CHD9: variants seen among roughly 807,000 people sequenced by gnomAD.
CHD9 encodes the protein chromodomain helicase DNA binding protein 9.
Under a neutral mutation model 316.1 loss-of-function variants are expected in CHD9, and 77 were observed. The observed-to-expected ratio is 0.24, with a 90% confidence interval of 0.20 to 0.29. The LOEUF is 0.29. CHD9 is among the 10% of genes least tolerant of loss of function. The pLI, the probability that CHD9 is intolerant of heterozygous loss-of-function variation, is 1.00. For missense variants in CHD9, 2,763 were observed against 3,438.1 expected, an observed-to-expected ratio of 0.80 and a Z score of 4.91; for synonymous variants, 1,129 against 1,158.3, an observed-to-expected ratio of 0.97 and a Z score of 0.51.
At chr16:53,123,172 T>C (rs1421021639) in intron 1 of CHD9, among the ~76,000 whole-genome samples, 1 of 50,316 alleles carries the variant, frequency 2.0e-5, no homozygotes, top group Non-Finnish European at 3.3e-5. Flanking sequence ...CTGGAATCAC[T>C]TTTTTTTTTT....
At chr16:53,285,545 T>G in intron 24 of CHD9, 51 bp from the exon 25 acceptor site, 1 of 1,239,286 alleles carries the variant, frequency 8.1e-7, no homozygotes, top group Admixed American at 2.2e-5. Flanking sequence ...TTTGCCTCCT[T>G]TTTGACTCAT....
chr16:53,303,659 GATTT>G lies in CHD9; in HGVS notation c.5714-54_5714-51del, dbSNP rs1262111716. 11 of 1,179,138 alleles carry G rather than the reference GATTT, an allele frequency of 9.3e-6. No individual in the cohort carries two copies. The African/African-American group carries it at 1.7e-4, about 18-fold the overall frequency. The allele number at this position is 1,179,138 out of a possible 1,614,324, so 73.0% of individuals were successfully genotyped here. On this transcript the variant is annotated intron_variant, in intron 30 of 38. Transcript: ENST00000447540. The stretch of plus-strand genomic sequence containing the variant: ...AAATATATAAAGATGTATTTATAAT[GATTT>G]ATTTATAAATAAAGGATTTTTGAGA...
chr16:53,117,481 C>G (rs1437473000), intron 1 of CHD9, among the ~76,000 whole-genome samples: 2 of 151,964 alleles, frequency 1.3e-5, no homozygotes, highest in Admixed American at 1.3e-4. Context: ...ATGGCATGAT[C>G]TTGGCTCACT....
At chr16:53,220,719 G>A (rs143806616) in intron 3 of CHD9, among the ~76,000 whole-genome samples, 1 of 152,246 alleles carries the variant, frequency 6.6e-6, no homozygotes, top group Admixed American at 6.5e-5. Context: ...CTTAAAATGT[G>A]AACTCTTTGT....
intron 3 of CHD9, among the ~76,000 whole-genome samples, chr16:53,220,186 T>C (rs1039776583): frequency 1.1e-4 from 16 of 152,228 alleles, no homozygotes; most frequent in African/African-American, 3.9e-4. Flanking sequence ...ATCTTTGTGT[T>C]TCTTCTGATT....
At chr16:53,300,873 AG>A (rs1424259821) in intron 30 of CHD9, among the ~76,000 whole-genome samples, 1 of 152,166 alleles carries the variant, frequency 6.6e-6, no homozygotes, top group Non-Finnish European at 1.5e-5. Context: ...TGGTAGGCCA[AG>A]GCAGGTGGGG....
chr16:53,207,339 A>C (rs930355491), intron 2 of CHD9, among the ~76,000 whole-genome samples: 2 of 152,226 alleles, frequency 1.3e-5, no homozygotes, highest in Non-Finnish European at 2.9e-5. Context: ...AAAACTCATC[A>C]GTGCAGTTAA....
chr16:53,203,472 T>C (rs1272393142), intron 2 of CHD9, among the ~76,000 whole-genome samples: 1 of 152,192 alleles, frequency 6.6e-6, no homozygotes, highest in Non-Finnish European at 1.5e-5. Context: ...TCTGTTATTC[T>C]ACATTGTCTC....
chr16:53,089,711 C>T (rs962027247), intron 1 of CHD9, among the ~76,000 whole-genome samples: 2 of 152,194 alleles, frequency 1.3e-5, no homozygotes, highest in African/African-American at 4.8e-5. Context: ...AAGGCCTGCC[C>T]TGGGATTTGG....
At chr16:53,296,824 G>A (rs748481381) in intron 29 of CHD9, 132 bp from the exon 30 acceptor site, 32 of 591,864 alleles carry the variant, frequency 5.4e-5, no homozygotes, top group Non-Finnish European at 8.3e-5. Flanking sequence ...TTACAAGGCA[G>A]CAAGCTTGTA....
intron 2 of CHD9, among the ~76,000 whole-genome samples, chr16:53,206,789 A>G (rs2045929073): frequency 6.6e-6 from 1 of 152,218 alleles, no homozygotes; most frequent in African/African-American, 2.4e-5. Flanking sequence ...TAATGCTACT[A>G]TCAGAGTATT....
intron 28 of CHD9, among the ~76,000 whole-genome samples, chr16:53,292,293 C>T (rs536991201): frequency 3.9e-5 from 6 of 152,308 alleles, no homozygotes; most frequent in African/African-American, 1.2e-4. Flanking sequence ...TGAATGACTA[C>T]AGCTTGATTA....
intron 2 of CHD9, among the ~76,000 whole-genome samples, chr16:53,186,454 C>T (rs2044017157): frequency 6.6e-6 from 1 of 152,152 alleles, no homozygotes; most frequent in Admixed American, 6.5e-5. Flanking sequence ...ATTTTACAGG[C>T]TCATAGGTGG....
At chr16:53,146,390 C>CAA (rs1242411399) in intron 1 of CHD9, among the ~76,000 whole-genome samples, 3 of 52,042 alleles carry the variant, frequency 5.8e-5, no homozygotes, top group South Asian at 5.6e-4. Flanking sequence ...GACTCTGTCT[C>CAA]AAAAAAAAAA....
intron 1 of CHD9, among the ~76,000 whole-genome samples, chr16:53,107,098 A>C (rs1362651345): frequency 6.6e-6 from 1 of 152,114 alleles, no homozygotes; most frequent in African/African-American, 2.4e-5. Context: ...TATTGATAAA[A>C]TTTTCAACAG....
rs1200906169 is a variant in CHD9 at position 53,267,378 on chromosome 16, G to A, written c.4405G>A (p.Glu1469Lys). The A allele has an allele frequency of 6.2e-7, 1 of 1,612,984 alleles. No homozygotes were observed. The highest frequency in any genetic ancestry group is 8.5e-7 in the Non-Finnish European group (1 of 1,179,322). The change falls in exon 21 of 39, where the codon GAA (glutamate) becomes AAA (lysine). Residue 1469 changes from glutamate (E) to lysine (K), a missense_variant. Coordinates refer to ENST00000447540, the MANE Select transcript of CHD9 (RefSeq NM_001308319.2). ...AAAAGATGAATTGGCTGAATTATCT[G>A]AAGCTGAAAGTGAAGGAGATGAAAA... ...ATKDELAELS[E>K]AESEGDEKPK...
Position 53,307,935 on chromosome 16 carries a change from T to C in CHD9, c.7035T>C (p.Phe2345=). Residue 2345 remains phenylalanine, a synonymous_variant, in exon 33 of 39, where the codon TTT becomes TTC. Coordinates refer to ENST00000447540, the MANE Select transcript of CHD9 (RefSeq NM_001308319.2). ...AGAAGCATGTACGAGAAAAGGAGTT[T>C]ACAGTGAAAATCAAAGACGTATGTG... ...KVKKHVREKE[F]TVKIKDEGGL... is the part of the protein sequence containing the mutation. 1 of 1,607,836 alleles carries C rather than the reference T, an allele frequency of 6.2e-7. No individual in the cohort carries two copies. The highest frequency in any genetic ancestry group is 8.5e-7 in the Non-Finnish European group (1 of 1,177,090).
intron 30 of CHD9, among the ~76,000 whole-genome samples, chr16:53,302,681 C>G (rs2055555607): frequency 6.6e-6 from 1 of 152,144 alleles, no homozygotes; most frequent in African/African-American, 2.4e-5. Flanking sequence ...TTCATTCTCT[C>G]TCATCTATTT....
intron 20 of CHD9, among the ~76,000 whole-genome samples, chr16:53,265,442 T>C (rs946650457): frequency 1.3e-5 from 2 of 151,892 alleles, no homozygotes; most frequent in African/African-American, 4.8e-5. Context: ...TACATTAATA[T>C]AAAATAATAG....
Sources: gnomAD v4.1 joint callset for allele counts (sites outside exome capture counted in the v4.1 genomes callset) on GRCh38, gnomAD v4.1.1 for gene constraint, MANE v1.5 for transcripts, NCBI Gene and HGNC (gene_info 2026-07-23, HGNC 2026-07-21) for gene names.